Variants in DPYD observed in about 807,000 individuals in gnomAD.
The protein encoded by DPYD is dihydropyrimidine dehydrogenase [NADP(+)].
A neutral mutation model predicts 116.2 loss-of-function variants in DPYD; 109 were observed. The ratio of observed to expected loss-of-function variants is 0.94; its 90% CI spans 0.80 to 1.10. The LOEUF is 1.10. Among genes scored for constraint, DPYD ranks in the 50% least tolerant of loss-of-function variants. The pLI is 0.00. For missense variants in DPYD, 1,302 were observed against 1,254.5 expected, an observed-to-expected ratio of 1.04 and a Z score of -0.57; for synonymous variants, 440 against 432.0, an observed-to-expected ratio of 1.02 and a Z score of -0.23.
intron 12 of DPYD, among the ~76,000 whole-genome samples, chr1:97,543,188 C>G (rs1421985466): frequency 6.6e-6 from 1 of 152,074 alleles, no homozygotes. Context: ...AGTAACCTGT[C>G]CAAGGTAACA....
At chr1:97,878,532 T>C (rs61787819) in intron 2 of DPYD, among the ~76,000 whole-genome samples, 29,931 of 151,970 alleles carry the variant, frequency 0.2, 3,198 homozygotes, top group South Asian at 0.24. Context: ...CCTCAACTTA[T>C]GCTATAAACA....
intron 13 of DPYD, among the ~76,000 whole-genome samples, chr1:97,478,302 T>C (rs1307331002): frequency 6.6e-6 from 1 of 152,188 alleles, no homozygotes; most frequent in East Asian, 1.9e-4. Context: ...TTCTTTTTTT[T>C]CTTTGAGATG....
intron 3 of DPYD, among the ~76,000 whole-genome samples, chr1:97,764,259 T>G (rs1571319742): frequency 6.6e-6 from 1 of 152,108 alleles, no homozygotes; most frequent in East Asian, 1.9e-4. Context: ...AAATTATAAA[T>G]GCATAGTTAG....
chr1:97,881,198 G>C (rs960918966), intron 2 of DPYD, among the ~76,000 whole-genome samples: 8 of 151,944 alleles, frequency 5.3e-5, no homozygotes, highest in Admixed American at 4.6e-4. Context: ...CTTTAAAGAG[G>C]TAATTAAGTT....
chr1:97,255,440 A>G (rs1663386712), intron 18 of DPYD, among the ~76,000 whole-genome samples: 1 of 152,078 alleles, frequency 6.6e-6, no homozygotes, highest in Non-Finnish European at 1.5e-5. Context: ...TTTCCCTGCT[A>G]TTCTCATGAT....
chr1:97,125,829 T>G (rs764489039), intron 20 of DPYD, among the ~76,000 whole-genome samples: 4 of 152,124 alleles, frequency 2.6e-5, no homozygotes, highest in Non-Finnish European at 4.4e-5. Flanking sequence ...AGCACCTATA[T>G]TTTGGAATAA....
At chr1:97,274,356 G>T (rs917187845) in intron 18 of DPYD, among the ~76,000 whole-genome samples, 1 of 152,150 alleles carries the variant, frequency 6.6e-6, no homozygotes, top group South Asian at 2.1e-4. Flanking sequence ...CACCTGAGCC[G>T]CTTGTTTAAA....
intron 2 of DPYD, among the ~76,000 whole-genome samples, chr1:97,862,825 G>A (rs1194423744): frequency 1.3e-5 from 2 of 151,682 alleles, no homozygotes; most frequent in Non-Finnish European, 1.5e-5. Flanking sequence ...TTCAAAAAAG[G>A]CAATTATTCT....
chr1:97,260,330 A>C (rs1310856911), intron 18 of DPYD, among the ~76,000 whole-genome samples: 1 of 152,068 alleles, frequency 6.6e-6, no homozygotes, highest in Admixed American at 6.6e-5. Context: ...TTTAGTTTTT[A>C]AGATTTCTGT....
chr1:97,894,482 A>G (rs1672950643), intron 1 of DPYD, among the ~76,000 whole-genome samples: 1 of 151,848 alleles, frequency 6.6e-6, no homozygotes, highest in South Asian at 2.1e-4. Flanking sequence ...TTAGCCTAAG[A>G]GTTCAAATGG....
rs1476427238 is a variant in DPYD at position 97,903,403 on chromosome 1, G to A, written c.39+17481C>T. Among the ~76,000 whole-genome samples the A allele has an allele frequency of 2.6e-5, 4 of 151,812 alleles. No homozygotes were observed. In the South Asian group the frequency reaches 6.2e-4, roughly 24 times the overall value. ...GAAGCATGTGAAAATTTTTAGAAACGTATGTAAATGGTGTTTCTCACAATT... is the reference window on the plus strand; with the variant it reads ...GAAGCATGTGAAAATTTTTAGAAACATATGTAAATGGTGTTTCTCACAATT... On this transcript the variant is annotated intron_variant, in intron 1 of 22. Transcript: ENST00000370192.
At chr1:97,466,528 G>C (rs1258593886) in intron 13 of DPYD, among the ~76,000 whole-genome samples, 2 of 151,446 alleles carry the variant, frequency 1.3e-5, no homozygotes, top group Non-Finnish European at 2.9e-5. Flanking sequence ...ATTGATAAAA[G>C]CATCTCCAAA....
At chr1:97,101,810 T>C (rs1650709930) in intron 20 of DPYD, among the ~76,000 whole-genome samples, 1 of 152,026 alleles carries the variant, frequency 6.6e-6, no homozygotes, top group African/African-American at 2.4e-5. Flanking sequence ...TCTTTAGGAC[T>C]ATCAAAAGCT....
intron 12 of DPYD, among the ~76,000 whole-genome samples, chr1:97,528,866 TA>T (rs2102015373): frequency 6.6e-6 from 1 of 152,280 alleles, no homozygotes; most frequent in African/African-American, 2.4e-5. Context: ...GTAGGGTTTT[TA>T]AAACAGAAAT....
intron 8 of DPYD, among the ~76,000 whole-genome samples, chr1:97,617,881 G>A (rs910448470): frequency 6.6e-6 from 1 of 152,086 alleles, no homozygotes; most frequent in Admixed American, 6.6e-5. Context: ...TTATCACCTC[G>A]AAATAAGGAG....
chr1:97,521,628 T>C (rs187067934), intron 12 of DPYD, among the ~76,000 whole-genome samples: 126 of 152,250 alleles, frequency 8.3e-4, no homozygotes, highest in Admixed American at 3.5e-3. Context: ...AGAACAAAGC[T>C]GGAGGCATCA....
At chr1:97,847,000 T>C (rs1670331973) in intron 2 of DPYD, among the ~76,000 whole-genome samples, 1 of 152,210 alleles carries the variant, frequency 6.6e-6, no homozygotes, top group South Asian at 2.1e-4. Context: ...CCAGGTATCA[T>C]TTTTAGCTAT....
chr1:97,100,282 A>C (rs1650569169), intron 20 of DPYD, among the ~76,000 whole-genome samples: 1 of 152,106 alleles, frequency 6.6e-6, no homozygotes, highest in Non-Finnish European at 1.5e-5. Context: ...TATGAGGTAT[A>C]TGAGGTGTTA....
rs912143274 is a variant in DPYD, at chr1:97,680,957, G to C, written c.763-1775C>G. Among the ~76,000 whole-genome samples the C allele has an allele frequency of 5.3e-5, 8 of 152,164 alleles. No homozygotes were observed. In the South Asian group the frequency reaches 6.2e-4, roughly 12 times the overall value. On this transcript the variant is annotated intron_variant, in intron 7 of 22. Transcript: ENST00000370192. ...CTGGTAGGTTTCTTTGTGTTCTGAA[G>C]GCAAAATGTTCCTAAAAACAAAGCC...
Sources: gnomAD v4.1 joint callset for allele counts (sites outside exome capture counted in the v4.1 genomes callset) on GRCh38, gnomAD v4.1.1 for gene constraint, MANE v1.5 for transcripts, NCBI Gene and HGNC (gene_info 2026-07-23, HGNC 2026-07-21) for gene names.